The following PDCD1LG2 variants were observed in gnomAD, a reference collection of about 807,000 sequenced individuals.
PDCD1LG2 encodes the protein B7 dendritic cell molecule.
In PDCD1LG2, 32 loss-of-function variants were observed where a neutral mutation model predicts 28.2. The observed-to-expected ratio is 1.13, with a 90% confidence interval of 0.86 to 1.52. The LOEUF (loss-of-function observed/expected upper bound fraction) is 1.52. PDCD1LG2 is among the 40% of genes most tolerant of loss of function. The pLI, the probability that PDCD1LG2 is intolerant of heterozygous loss-of-function variation, is 0.00. For synonymous variants in PDCD1LG2, 116 were observed against 120.2 expected, an observed-to-expected ratio of 0.97 and a Z score of 0.23; for missense variants, 385 against 323.8, an observed-to-expected ratio of 1.19 and a Z score of -1.45.
intron 5 of PDCD1LG2, among the ~76,000 whole-genome samples, chr9:5,559,562 T>C (rs978107970): frequency 2.0e-5 from 3 of 152,174 alleles, no homozygotes; most frequent in African/African-American, 7.2e-5. Context: ...GGTCTTTCTA[T>C]CTGTAAAAGG....
intron 3 of PDCD1LG2, 58 bp from the exon 4 acceptor site, chr9:5,549,277 C>T (rs1410908757): frequency 6.7e-7 from 1 of 1,492,812 alleles, no homozygotes; most frequent in Non-Finnish European, 9.1e-7. Flanking sequence ...CATGAAGTAC[C>T]AAGCTCTATA....
chr9:5,565,926 T>C (rs770185695), intron 6 of PDCD1LG2, among the ~76,000 whole-genome samples: 1 of 152,064 alleles, frequency 6.6e-6, no homozygotes, highest in Non-Finnish European at 1.5e-5. Flanking sequence ...AAATAAAAAA[T>C]AAAAAAGTAT....
At chr9:5,536,751 C>T (rs1820587340) in intron 3 of PDCD1LG2, among the ~76,000 whole-genome samples, 1 of 152,196 alleles carries the variant, frequency 6.6e-6, no homozygotes, top group Non-Finnish European at 1.5e-5. Flanking sequence ...GGTCATCAAA[C>T]TGGGATATTT....
At chr9:5,546,677 G>C (rs530622067) in intron 3 of PDCD1LG2, among the ~76,000 whole-genome samples, 1 of 152,236 alleles carries the variant, frequency 6.6e-6, no homozygotes, top group South Asian at 2.1e-4. Context: ...CAATTACACA[G>C]AGACACATCC....
intron 3 of PDCD1LG2, among the ~76,000 whole-genome samples, chr9:5,545,202 C>T (rs1215538460): frequency 1.3e-5 from 2 of 152,222 alleles, no homozygotes; most frequent in Non-Finnish European, 2.9e-5. Flanking sequence ...TATCCATTTC[C>T]TAAACAAGAA....
At chr9:5,551,659 G>A (rs942776515) in intron 4 of PDCD1LG2, among the ~76,000 whole-genome samples, 8 of 152,304 alleles carry the variant, frequency 5.3e-5, no homozygotes, top group African/African-American at 1.7e-4. Flanking sequence ...CATCAGAAAA[G>A]TCGCAGGGCA....
rs535218127 is a variant in PDCD1LG2, at chr9:5,516,905, C to G, written c.-14-5628C>G. Among the ~76,000 whole-genome samples the G allele has an allele frequency of 5.9e-5, 9 of 152,284 alleles. No homozygotes were observed. In the East Asian group the frequency reaches 9.7e-4, roughly 16 times the overall value. On this transcript the variant is annotated intron_variant, in intron 1 of 6. Transcript: ENST00000397747. ...CTGGGCCCCTGAGAGTACAGAGATG[C>G]CTGGGTCCAGAGCCACTGCTGGGCA...
chr9:5,547,758 G>A (rs943555927), intron 3 of PDCD1LG2, among the ~76,000 whole-genome samples: 17 of 151,878 alleles, frequency 1.1e-4, no homozygotes, highest in African/African-American at 4.1e-4. Context: ...CCAACATGGT[G>A]AAACCCCATC....
chr9:5,569,580 A>G lies in PDCD1LG2; in HGVS notation c.817-374A>G, dbSNP rs1816732302. Among the ~76,000 whole-genome samples, 1 of 152,240 alleles carries G rather than the reference A, an allele frequency of 6.6e-6. No individual in the cohort carries two copies. Among genetic ancestry groups the G allele is most frequent in the Non-Finnish European group, 1.5e-5 (1 of 68,042 alleles). ...GTCTGCAATGTCATCATCCTGGAGC[A>G]TGAATAGAGTGCAGCAGGGTGAATA... On this transcript the variant is annotated intron_variant, in intron 6 of 6. Coordinates refer to ENST00000397747, the MANE Select transcript of PDCD1LG2 (RefSeq NM_025239.4). This position sits in a 1 kb window ranked among gnomAD's most constrained non-coding sequence, Gnocchi z 4.1.
intron 4 of PDCD1LG2, among the ~76,000 whole-genome samples, chr9:5,550,176 C>G (rs959278083): frequency 4.6e-5 from 7 of 152,160 alleles, no homozygotes; most frequent in Non-Finnish European, 7.3e-5. Context: ...TACTTGCTGC[C>G]AGTCAGCTGG....
chr9:5,521,826 AG>A (rs1162977254), intron 1 of PDCD1LG2, among the ~76,000 whole-genome samples: 1 of 152,210 alleles, frequency 6.6e-6, no homozygotes, highest in Non-Finnish European at 1.5e-5. Context: ...TTATCAGATT[AG>A]CTGTGTGCTC....
chr9:5,518,437 T>G (rs1820209132), intron 1 of PDCD1LG2, among the ~76,000 whole-genome samples: 1 of 152,262 alleles, frequency 6.6e-6, no homozygotes, highest in South Asian at 2.1e-4. Flanking sequence ...TTGCTAGAGC[T>G]ATGTTACATG....
intron 2 of PDCD1LG2, among the ~76,000 whole-genome samples, chr9:5,525,807 G>C (rs1820363981): frequency 6.6e-6 from 1 of 152,094 alleles, no homozygotes; most frequent in Non-Finnish European, 1.5e-5. Flanking sequence ...CCAGCACTTT[G>C]GGAGGCCAAG....
At chr9:5,528,642 T>C (rs1820424676) in intron 2 of PDCD1LG2, among the ~76,000 whole-genome samples, 1 of 152,062 alleles carries the variant, frequency 6.6e-6, no homozygotes, top group Non-Finnish European at 1.5e-5. Flanking sequence ...ATATCTTCAT[T>C]GGTGACATTC....
At chr9:5,525,103 T>C (rs1340022310) in intron 2 of PDCD1LG2, among the ~76,000 whole-genome samples, 1 of 152,202 alleles carries the variant, frequency 6.6e-6, no homozygotes, top group African/African-American at 2.4e-5. Flanking sequence ...ATCCCAGCCC[T>C]ATGGGAGGCC....
intron 5 of PDCD1LG2, among the ~76,000 whole-genome samples, chr9:5,560,176 G>A (rs1004168953): frequency 1.1e-4 from 17 of 152,076 alleles, no homozygotes; most frequent in Admixed American, 3.9e-4. Context: ...TAATAGCTTG[G>A]ACTACCAATT....
intron 1 of PDCD1LG2, among the ~76,000 whole-genome samples, chr9:5,522,291 G>A (rs1224620279): frequency 1.3e-5 from 2 of 152,146 alleles, no homozygotes; most frequent in East Asian, 1.9e-4. Context: ...ATTCAGAAAC[G>A]GCCATTAGAA....
intron 1 of PDCD1LG2, among the ~76,000 whole-genome samples, chr9:5,518,108 T>C (rs1820202077): frequency 6.6e-6 from 1 of 152,232 alleles, no homozygotes; most frequent in African/African-American, 2.4e-5. Context: ...TGGGTGTTGC[T>C]ACTATTAGCA....
intron 2 of PDCD1LG2, among the ~76,000 whole-genome samples, chr9:5,527,497 T>A (rs1426599772): frequency 6.6e-6 from 1 of 152,266 alleles, no homozygotes. Context: ...AATTTATACC[T>A]GTTTGCTGTT....
Sources: gnomAD v4.1 joint callset for allele counts (sites outside exome capture counted in the v4.1 genomes callset) on GRCh38, gnomAD v4.1.1 for gene constraint, Gnocchi (gnomAD v3.1) non-coding constraint, MANE v1.5 for transcripts, NCBI Gene and HGNC (gene_info 2026-07-23, HGNC 2026-07-21) for gene names.